The following ADCK1 variants were observed in gnomAD, a reference collection of about 807,000 sequenced individuals.
The protein encoded by ADCK1 is aarF domain containing kinase 1.
ADCK1 carries 41 observed loss-of-function variants against 52.3 expected under a neutral mutation model. The ratio of observed to expected loss-of-function variants is 0.78; its 90% CI spans 0.61 to 1.02. The LOEUF (loss-of-function observed/expected upper bound fraction) is 1.02. Ranked by LOEUF, ADCK1 falls within the 50% of genes least tolerant of loss-of-function variation. The probability of loss-of-function intolerance (pLI) is 0.00; values close to 1 mark genes in which losing one functional copy is unlikely to be tolerated. For synonymous variants in ADCK1, 250 were observed against 274.6 expected (o/e 0.91, Z 0.89); for missense variants, 658 against 679.5 (o/e 0.97, Z 0.35).
At chr14:77,832,737 C>T (rs2081883629) in intron 3 of ADCK1, among the ~76,000 whole-genome samples, 1 of 152,192 alleles carries the variant, frequency 6.6e-6, no homozygotes. Context: ...GAAAGAGTTT[C>T]AACTCTGAAG....
chr14:77,831,394 G>C (rs149112580), intron 3 of ADCK1, among the ~76,000 whole-genome samples: 2 of 152,302 alleles, frequency 1.3e-5, no homozygotes, highest in Non-Finnish European at 2.9e-5. Context: ...TTCTCCTGTA[G>C]TACTGATTGT....
chr14:77,811,620 T>C (rs571685311), intron 1 of ADCK1, among the ~76,000 whole-genome samples: 1 of 152,198 alleles, frequency 6.6e-6, no homozygotes, highest in African/African-American at 2.4e-5. Flanking sequence ...TTGAGCAACA[T>C]AGAGAGACCC....
intron 1 of ADCK1, among the ~76,000 whole-genome samples, chr14:77,807,249 TA>T (rs1417332656): frequency 1.3e-5 from 2 of 150,192 alleles, no homozygotes; most frequent in Non-Finnish European, 3.0e-5. Flanking sequence ...TTTGTATTTT[TA>T]GTAGAGACGG....
intron 3 of ADCK1, among the ~76,000 whole-genome samples, chr14:77,834,485 G>A (rs2081921382): frequency 6.6e-6 from 1 of 152,136 alleles, no homozygotes; most frequent in South Asian, 2.1e-4. Flanking sequence ...TCTTTTCCTA[G>A]CTCACACCAT....
intron 7 of ADCK1, among the ~76,000 whole-genome samples, chr14:77,914,956 C>T (rs2083884137): frequency 6.6e-6 from 1 of 152,026 alleles, no homozygotes; most frequent in Non-Finnish European, 1.5e-5. Context: ...ACTGTAAAAG[C>T]CATGCTGAAG....
chr14:77,887,087 A>G lies in ADCK1; in HGVS notation c.424-4A>G. On this transcript the variant is annotated splice_region_variant and splice_polypyrimidine_tract_variant and intron_variant, in intron 4 of 10. Coordinates refer to ENST00000238561, the MANE Select transcript of ADCK1 (RefSeq NM_020421.4). The stretch of plus-strand genomic sequence containing the variant: ...CATTGCTCTGTTCTCTCCACTCCCG[A>G]CAGATCCATGATTTGTTCCAGAGCT... 2 of 1,575,014 alleles carry G rather than the reference A, an allele frequency of 1.3e-6. No individual in the cohort carries two copies. The highest frequency in any genetic ancestry group is 2.4e-5 in the South Asian group (2 of 84,350).
chr14:77,900,081 A>G (rs2083498449), intron 6 of ADCK1, among the ~76,000 whole-genome samples: 1 of 109,272 alleles, frequency 9.2e-6, no homozygotes, highest in African/African-American at 3.3e-5. Context: ...AAAAAAAAAA[A>G]AAAAGAAAAT....
intron 3 of ADCK1, among the ~76,000 whole-genome samples, chr14:77,846,641 G>T (rs755061935): frequency 2.0e-5 from 3 of 152,218 alleles, no homozygotes; most frequent in Non-Finnish European, 4.4e-5. Context: ...CTAGTGATCT[G>T]CCCAGCTGAT....
At chr14:77,831,082 A>G (rs1393383945) in intron 3 of ADCK1, among the ~76,000 whole-genome samples, 1 of 151,898 alleles carries the variant, frequency 6.6e-6, no homozygotes, top group East Asian at 1.9e-4. Context: ...GCTGAACTTC[A>G]CCCCTGAATT....
At chr14:77,887,272 T>C (rs1489928493) in intron 5 of ADCK1, 23 bp downstream of exon 5, 1 of 1,534,246 alleles carries the variant, frequency 6.5e-7, no homozygotes, top group Admixed American at 2.0e-5. Flanking sequence ...CCTTTCTCCT[T>C]CCTGTGTCCT....
At chr14:77,825,696 C>T (rs998634214) in intron 3 of ADCK1, among the ~76,000 whole-genome samples, 1 of 146,896 alleles carries the variant, frequency 6.8e-6, no homozygotes, top group Non-Finnish European at 1.5e-5. Flanking sequence ...GGCTGGAGTG[C>T]AGTGGTGCGA....
intron 2 of ADCK1, among the ~76,000 whole-genome samples, chr14:77,821,427 A>C (rs1031536344): frequency 1.3e-5 from 2 of 152,172 alleles, no homozygotes; most frequent in South Asian, 2.1e-4. Flanking sequence ...ACTCTTCTTA[A>C]TATCAACTTT....
intron 7 of ADCK1, among the ~76,000 whole-genome samples, chr14:77,915,321 T>C (rs1039995326): frequency 1.7e-4 from 26 of 151,074 alleles, no homozygotes; most frequent in Middle Eastern, 3.4e-3. Context: ...CTCCTAATGC[T>C]ATCCCTCCCC....
At chr14:77,867,191 T>G (rs1289818528) in intron 4 of ADCK1, among the ~76,000 whole-genome samples, 1 of 152,206 alleles carries the variant, frequency 6.6e-6, no homozygotes, top group Non-Finnish European at 1.5e-5. Flanking sequence ...CAAAGCTACC[T>G]GGAAACCTTT....
At chr14:77,807,901 T>C (rs953279446) in intron 1 of ADCK1, among the ~76,000 whole-genome samples, 3 of 151,246 alleles carry the variant, frequency 2.0e-5, no homozygotes, top group African/African-American at 7.3e-5. Context: ...TCTCAGCCTC[T>C]CAAAGTGCTG....
intron 1 of ADCK1, among the ~76,000 whole-genome samples, chr14:77,812,599 C>CT (rs1190202430): frequency 2.6e-5 from 4 of 151,726 alleles, no homozygotes; most frequent in Non-Finnish European, 4.4e-5. Context: ...ACTGCATATT[C>CT]TTTTTTTTGA....
At chr14:77,867,690 C>T (rs991092563) in intron 4 of ADCK1, among the ~76,000 whole-genome samples, 59 of 152,176 alleles carry the variant, frequency 3.9e-4, no homozygotes, top group African/African-American at 1.2e-3. Context: ...CCATCTGGCC[C>T]GACCTTCTCC....
chr14:77,870,496 G>C (rs1165619495), intron 4 of ADCK1, among the ~76,000 whole-genome samples: 2 of 152,230 alleles, frequency 1.3e-5, no homozygotes, highest in African/African-American at 4.8e-5. Context: ...GGCAAAGTGA[G>C]CTAATGGTGT....
At chr14:77,862,094 G>A (rs1349747898) in intron 4 of ADCK1, among the ~76,000 whole-genome samples, 1 of 152,166 alleles carries the variant, frequency 6.6e-6, no homozygotes, top group Non-Finnish European at 1.5e-5. Flanking sequence ...AACAGCTTCT[G>A]TTTGGCAGGA....
Sources: allele counts gnomAD v4.1 joint callset (sites outside exome capture counted in the v4.1 genomes callset), GRCh38; gene constraint gnomAD v4.1.1; transcripts MANE v1.5; gene names NCBI Gene and HGNC (gene_info 2026-07-23, HGNC 2026-07-21).